NSUN4: variants seen among roughly 807,000 people sequenced by gnomAD.
The protein encoded by NSUN4 is NOP2/Sun RNA methyltransferase 4, also known as 5-cytosine rRNA methyltransferase NSUN4.
In NSUN4, 31 loss-of-function variants were observed where a neutral mutation model predicts 43.8. The observed-to-expected ratio is 0.71, with a 90% CI of 0.53 to 0.96. The LOEUF (loss-of-function observed/expected upper bound fraction) is 0.96. Among genes scored for constraint, NSUN4 ranks in the 40% least tolerant of loss-of-function variants. NSUN4 has a pLI of 0.00. For missense variants in NSUN4, 439 were observed against 475.6 expected, an observed-to-expected ratio of 0.92 and a Z score of 0.72; for synonymous variants, 167 against 184.1, an observed-to-expected ratio of 0.91 and a Z score of 0.75.
intron 3 of NSUN4, among the ~76,000 whole-genome samples, chr1:46,349,505 GT>G (rs890395894): frequency 2.0e-5 from 3 of 152,152 alleles, no homozygotes; most frequent in African/African-American, 4.8e-5. Flanking sequence ...AAAATAGATA[GT>G]TTTTTTCCTT....
At chr1:46,382,705 G>A in the NSUN4 span, among the ~76,000 whole-genome samples, 1 of 151,594 alleles carries the variant, frequency 6.6e-6, no homozygotes, top group Non-Finnish European at 1.5e-5. Flanking sequence ...AGGTTTAAGT[G>A]ATTCTCCTGC....
chr1:46,359,807 A>G (rs1218089130), intron 4 of NSUN4, among the ~76,000 whole-genome samples: 1 of 152,084 alleles, frequency 6.6e-6, no homozygotes, highest in Non-Finnish European at 1.5e-5. Context: ...GGGTCTCACT[A>G]TGTTTTCCAG....
At chr1:46,369,302 C>G (rs543786369), downstream of NSUN4, among the ~76,000 whole-genome samples, 1 of 152,222 alleles carries the variant, frequency 6.6e-6, no homozygotes, top group East Asian at 1.9e-4. Context: ...GCATCCCTAA[C>G]CCCCAAGTAC....
At chr1:46,347,134 G>T (rs1412905383) in intron 3 of NSUN4, 59 bp downstream of exon 3, 13 of 1,559,494 alleles carry the variant, frequency 8.3e-6, no homozygotes. Context: ...CTAGTCCCAG[G>T]TACATTTAAT....
intron 4 of NSUN4, among the ~76,000 whole-genome samples, chr1:46,357,796 T>C (rs1354764910): frequency 2.6e-5 from 4 of 152,246 alleles, no homozygotes; most frequent in African/African-American, 7.2e-5. Flanking sequence ...GTATCTCTTA[T>C]ATGCTGCATA....
At position 46,360,741 on chromosome 1, in the gene NSUN4, C is replaced by T. The variant is rs776913373; in HGVS notation, c.791C>T (p.Ser264Phe). 3 of 1,613,974 alleles carry T rather than the reference C, an allele frequency of 1.9e-6. No individual in the cohort carries two copies. In the African/African-American group the frequency reaches 4.0e-5, roughly 22 times the overall value. Residue 264 changes from serine (S) to phenylalanine (F), a missense_variant, in exon 5 of 6, where the codon TCC (serine) becomes TTC (phenylalanine). Physicochemically the swap from Ser to Phe is radical, Grantham distance 155 (BLOSUM62 -2). Coordinates refer to ENST00000474844, the MANE Select transcript of NSUN4 (RefSeq NM_199044.4). The part of the protein sequence containing the change: ...VDVPCTTDRH[S>F]LHEEENNIFK... ...GTGCCCTGTACCACAGACCGCCACT[C>T]CCTTCATGAGGAGGAGAACAACATC...
At chr1:46,384,049 A>G in the NSUN4 span, among the ~76,000 whole-genome samples, 6 of 152,248 alleles carry the variant, frequency 3.9e-5, no homozygotes, top group African/African-American at 1.2e-4. Context: ...GTTTGGCGGG[A>G]AAAATGGTTA....
the NSUN4 span, among the ~76,000 whole-genome samples, chr1:46,371,458 T>A: frequency 4.0e-5 from 6 of 151,454 alleles, no homozygotes; most frequent in Non-Finnish European, 7.4e-5. Flanking sequence ...GGTGCCTGCC[T>A]CCACGCCTGG....
intron 4 of NSUN4, among the ~76,000 whole-genome samples, chr1:46,357,133 C>A: frequency 6.6e-6 from 1 of 152,228 alleles, no homozygotes; most frequent in African/African-American, 2.4e-5. Context: ...AAGTGTAGTG[C>A]AACAGTACAA....
Position 46,363,852 on chromosome 1 carries a change from A to G in NSUN4, c.*2006A>G, listed in dbSNP as rs1015611553. 1 of 152,400 alleles carries G rather than the reference A, an allele frequency of 6.6e-6. No individual in the cohort carries two copies. Among genetic ancestry groups the G allele is most frequent in the African/African-American group, 2.4e-5 (1 of 41,462 alleles). 9.4% of individuals were successfully genotyped at this position (152,400 alleles called of 1,614,324 possible). A position where few individuals can be genotyped will look rare whatever the true frequency, so the allele number is the denominator to read the frequency against. On this transcript the variant is annotated 3_prime_UTR_variant, in exon 6 of 6. Transcript: ENST00000474844. ...AATTAAGTGAAAAAAGTTTAATCCC[A>G]GAAGAGTAAATGTAGCATGATGCCC...
chr1:46,354,662 T>A (rs1663239315), intron 4 of NSUN4, among the ~76,000 whole-genome samples: 1 of 86,404 alleles, frequency 1.2e-5, no homozygotes, highest in Non-Finnish European at 3.1e-5. Flanking sequence ...CATTTTTTTC[T>A]TTTTTTTTTT....
the NSUN4 span, among the ~76,000 whole-genome samples, chr1:46,385,150 T>C: frequency 6.6e-6 from 1 of 152,350 alleles, no homozygotes; most frequent in Admixed American, 6.5e-5. Flanking sequence ...ACCTTTATAT[T>C]AGTGTGTTAT....
intron 4 of NSUN4, among the ~76,000 whole-genome samples, chr1:46,358,390 C>T (rs1663546076): frequency 7.0e-6 from 1 of 142,796 alleles, no homozygotes; most frequent in Non-Finnish European, 1.5e-5. Flanking sequence ...GCTACTGCTC[C>T]TGGCCTAATT....
At chr1:46,360,454 T>G (rs1204868063) in intron 4 of NSUN4, among the ~76,000 whole-genome samples, 2 of 149,492 alleles carry the variant, frequency 1.3e-5, no homozygotes, top group Non-Finnish European at 3.0e-5. Flanking sequence ...AAAAAAAAAA[T>G]TATAGTTACT....
At chr1:46,378,201 ATT>A in the NSUN4 span, among the ~76,000 whole-genome samples, 43,871 of 137,600 alleles carry the variant, frequency 0.32, 6,743 homozygotes, top group South Asian at 0.36. Flanking sequence ...CATAGCAGAG[ATT>A]TTTTTTTTTT....
chr1:46,340,953 T>G (rs1488025529), intron 1 of NSUN4, 34 bp downstream of exon 1: 1 of 1,568,696 alleles, frequency 6.4e-7, no homozygotes, highest in Middle Eastern at 1.7e-4. Context: ...GAGGGAAAAG[T>G]GAGGGTGGAA....
At chr1:46,348,240 C>A (rs1472703242) in intron 3 of NSUN4, among the ~76,000 whole-genome samples, 1 of 152,188 alleles carries the variant, frequency 6.6e-6, no homozygotes, top group Non-Finnish European at 1.5e-5. Flanking sequence ...CCCAGTCATC[C>A]TTTTGACTTT....
intron 1 of NSUN4, chr1:46,341,167 T>G (rs1007587204): frequency 7.8e-7 from 1 of 1,280,168 alleles, no homozygotes; most frequent in African/African-American, 1.5e-5. Context: ...CACCTTCGCC[T>G]TCATTCTTTT....
chr1:46,361,579 C>T lies in NSUN4; in HGVS notation c.888C>T (p.Leu296=), dbSNP rs758383923. ...CTCTTTCTGGTTTCAGGGCTGGACT[C>T]CTTGCCACCAAACCAGGAGGCCATG... ...VLQVQLLAAG[L]LATKPGGHVV... Residue 296 remains leucine (L), a synonymous_variant, in exon 6 of 6, where the codon CTC becomes CTT. Transcript: ENST00000474844. The T allele has an allele frequency of 1.9e-6, 3 of 1,613,854 alleles. No individual in the cohort carries two copies. Among genetic ancestry groups the T allele is most frequent in the Admixed American group, 3.3e-5 (2 of 60,028 alleles).
Sources: allele counts gnomAD v4.1 joint callset (sites outside exome capture counted in the v4.1 genomes callset), GRCh38; gene constraint gnomAD v4.1.1; transcripts MANE v1.5; gene names NCBI Gene and HGNC (gene_info 2026-07-23, HGNC 2026-07-21).